Variants in SEMA5A observed in about 807,000 individuals in gnomAD.
SEMA5A encodes the protein semaphorin 5A, also known as semaphorin-5A.
Under a neutral mutation model 135.5 loss-of-function variants are expected in SEMA5A, and 55 were observed. That is an observed-to-expected ratio of 0.41 (90% confidence interval 0.33 to 0.51). SEMA5A has a LOEUF of 0.51. Ranked by LOEUF, SEMA5A falls within the 20% of genes least tolerant of loss-of-function variation. The probability of loss-of-function intolerance (pLI) is 0.37; values close to 1 mark genes in which losing one functional copy is unlikely to be tolerated. For missense variants in SEMA5A, 1,290 were observed against 1,419.9 expected, an observed-to-expected ratio of 0.91 and a Z score of 1.47; for synonymous variants, 580 against 546.5, an observed-to-expected ratio of 1.06 and a Z score of -0.85.
intron 3 of SEMA5A, among the ~76,000 whole-genome samples, chr5:9,348,507 T>C (rs1186403651): frequency 2.0e-5 from 3 of 152,216 alleles, no homozygotes; most frequent in African/African-American, 7.2e-5. Context: ...TTCAAAGTAC[T>C]TTGAGTCACC....
chr5:9,154,466 C>A, intron 12 of SEMA5A, 22 bp downstream of exon 12: 1 of 1,611,060 alleles, frequency 6.2e-7, no homozygotes, highest in South Asian at 1.1e-5. Flanking sequence ...ACCAGTGCAT[C>A]CTGACCCCGG....
intron 16 of SEMA5A, among the ~76,000 whole-genome samples, chr5:9,074,812 CA>C (rs1561126909): frequency 6.6e-6 from 1 of 152,068 alleles, no homozygotes; most frequent in South Asian, 2.1e-4. Context: ...ACAGAAAAAA[CA>C]AAAGCCCCCA....
intron 2 of SEMA5A, among the ~76,000 whole-genome samples, chr5:9,435,850 G>A (rs141716645): frequency 2.0e-5 from 3 of 152,190 alleles, no homozygotes; most frequent in East Asian, 1.9e-4. Flanking sequence ...TTTAGAAAAC[G>A]TTCGCCAATT....
rs560118101 is a variant in SEMA5A, at chr5:9,134,642, A to G, written c.1599+1862T>C. On this transcript the variant is annotated intron_variant, in intron 13 of 22. Coordinates refer to ENST00000382496, the MANE Select transcript of SEMA5A (RefSeq NM_003966.3). ...TCCCATTACAGATAGTAATAATTAC[A>G]TAATTAGTATCTCTCAGATATATAC... Among the ~76,000 whole-genome samples, 3 of 152,364 alleles carry G rather than the reference A, an allele frequency of 2.0e-5. No homozygotes were observed. The South Asian group carries it at 6.2e-4, about 32-fold the overall frequency.
At chr5:9,117,800 G>A (rs1208766690) in intron 15 of SEMA5A, among the ~76,000 whole-genome samples, 1 of 152,102 alleles carries the variant, frequency 6.6e-6, no homozygotes, top group Non-Finnish European at 1.5e-5. Context: ...GAAATAATAG[G>A]GAGACAATTC....
In SEMA5A at chr5:9,337,827, TAAATA is replaced by T. The variant is rs1561161445; in HGVS notation, c.125-20_125-16del. The T allele has an allele frequency of 6.6e-7, 1 of 1,520,024 alleles. No homozygotes were observed. The highest frequency in any genetic ancestry group is 1.4e-5 in the African/African-American group (1 of 71,770). 94.2% of individuals were successfully genotyped at this position (1,520,024 alleles called of 1,614,324 possible). ...GGGGCCAATTTCTAAATAGAAAAAA[TAAATA>T]AATAAAAAGATAAAAATGAATTATT... On this transcript the variant is annotated splice_polypyrimidine_tract_variant and intron_variant, in intron 3 of 22. Transcript: ENST00000382496.
chr5:9,439,358 C>T (rs1209614029), intron 1 of SEMA5A, among the ~76,000 whole-genome samples: 2 of 152,168 alleles, frequency 1.3e-5, no homozygotes, highest in Non-Finnish European at 2.9e-5. Flanking sequence ...ACACAAGCAT[C>T]CTCTCTCCAG....
intron 11 of SEMA5A, among the ~76,000 whole-genome samples, chr5:9,172,646 G>A (rs1743988137): frequency 6.6e-6 from 1 of 152,094 alleles, no homozygotes; most frequent in South Asian, 2.1e-4. Context: ...AAACTGTTCT[G>A]GGTGTGTAGA....
At chr5:9,150,243 G>A (rs1742560655) in intron 12 of SEMA5A, among the ~76,000 whole-genome samples, 1 of 152,140 alleles carries the variant, frequency 6.6e-6, no homozygotes, top group South Asian at 2.1e-4. Flanking sequence ...GTTACTCATG[G>A]TACTCATAGC....
intron 1 of SEMA5A, among the ~76,000 whole-genome samples, chr5:9,522,243 C>T (rs141441209): frequency 3.3e-5 from 5 of 152,100 alleles, no homozygotes; most frequent in East Asian, 3.9e-4. Context: ...CCTGCACGTA[C>T]GAGACAGAGA....
At chr5:9,448,845 A>C (rs1758529300) in intron 1 of SEMA5A, among the ~76,000 whole-genome samples, 1 of 151,610 alleles carries the variant, frequency 6.6e-6, no homozygotes, top group African/African-American at 2.4e-5. Flanking sequence ...TTCTCCCATC[A>C]CCCTCCATTG....
At chr5:9,331,803 C>A (rs1202119403) in intron 4 of SEMA5A, among the ~76,000 whole-genome samples, 1 of 152,170 alleles carries the variant, frequency 6.6e-6, no homozygotes, top group Non-Finnish European at 1.5e-5. Context: ...ATACTTACAG[C>A]AAATTCAGCC....
At chr5:9,224,087 G>A (rs1747157810) in intron 8 of SEMA5A, among the ~76,000 whole-genome samples, 1 of 152,066 alleles carries the variant, frequency 6.6e-6, no homozygotes, top group Non-Finnish European at 1.5e-5. Context: ...GTGGCCTGAG[G>A]GCCCATCTGC....
At chr5:9,112,487 A>AT (rs1740294956) in intron 15 of SEMA5A, among the ~76,000 whole-genome samples, 1 of 152,196 alleles carries the variant, frequency 6.6e-6, no homozygotes, top group East Asian at 1.9e-4. Context: ...CTACTGGGCC[A>AT]TACTGCTATA....
Position 9,456,051 on chromosome 5 carries a change from G to A in SEMA5A, c.-174-18199C>T, listed in dbSNP as rs548664759. Among the ~76,000 whole-genome samples the A allele has an allele frequency of 1.2e-4, 19 of 152,338 alleles. No individual in the cohort carries two copies. The South Asian group carries it at 1.7e-3, about 13-fold the overall frequency. ...GGTGCTTAAAAAGAATCAAGTCTCT[G>A]CCAAAGACAGAAAGAGCCAGCTCTT... On this transcript the variant is annotated intron_variant, in intron 1 of 22. Transcript: ENST00000382496.
chr5:9,240,243 A>C (rs1169553982), intron 5 of SEMA5A, among the ~76,000 whole-genome samples: 1 of 152,076 alleles, frequency 6.6e-6, no homozygotes, highest in Non-Finnish European at 1.5e-5. Context: ...TTACAGCCTC[A>C]CTAGCTTGCC....
chr5:9,045,202 T>C (rs1252047833), intron 21 of SEMA5A, among the ~76,000 whole-genome samples: 2 of 152,224 alleles, frequency 1.3e-5, no homozygotes, highest in Non-Finnish European at 2.9e-5. Context: ...TGCACAACAG[T>C]GTTCTGCTTC....
At chr5:9,529,121 A>G (rs1737301309) in intron 1 of SEMA5A, among the ~76,000 whole-genome samples, 1 of 152,240 alleles carries the variant, frequency 6.6e-6, no homozygotes, top group Admixed American at 6.5e-5. Flanking sequence ...CACTCCTTCC[A>G]GTTTTGAAAG....
intron 2 of SEMA5A, among the ~76,000 whole-genome samples, chr5:9,424,102 C>A (rs1327063561): frequency 6.6e-6 from 1 of 152,062 alleles, no homozygotes; most frequent in Non-Finnish European, 1.5e-5. Flanking sequence ...TTACTTTGCC[C>A]AGCACCTCCC....
Sources: allele counts gnomAD v4.1 joint callset (sites outside exome capture counted in the v4.1 genomes callset), GRCh38; gene constraint gnomAD v4.1.1; transcripts MANE v1.5; gene names NCBI Gene and HGNC (gene_info 2026-07-23, HGNC 2026-07-21).